TMEM131L: variants seen among roughly 807,000 people sequenced by gnomAD.
TMEM131L encodes the protein transmembrane protein 131-like.
Under a neutral mutation model 192.2 loss-of-function variants are expected in TMEM131L, and 54 were observed. The ratio of observed to expected loss-of-function variants is 0.28; its 90% confidence interval spans 0.23 to 0.35. The LOEUF (loss-of-function observed/expected upper bound fraction) is 0.35, where lower values mean the gene tolerates loss of function less well. Among genes scored for constraint, TMEM131L ranks in the 10% least tolerant of loss-of-function variants. TMEM131L has a pLI of 1.00. For synonymous variants in TMEM131L, 701 were observed against 704.9 expected (o/e 0.99, Z 0.09); for missense variants, 1,888 against 1,972.9 (o/e 0.96, Z 0.82).
chr4:153,598,620 C>T lies in TMEM131L; in HGVS notation c.2154C>T (p.Gly718=), dbSNP rs371805678. The T allele has an allele frequency of 5.2e-5, 84 of 1,613,398 alleles. 1 individual carries two copies. The highest frequency in any genetic ancestry group is 2.0e-4 in the East Asian group (9 of 44,876). The change falls in exon 21 of 35, where the codon GGC becomes GGT. Residue 718 remains glycine (G), a synonymous_variant. Coordinates refer to ENST00000409959, the MANE Select transcript of TMEM131L (RefSeq NM_001131007.2). ...ACTTGACTGTTATTGACATGATTGG[C>T]GTGGAAGGATTTGGAGCAAGAGAGT... ...RNNLTVIDMI[G]VEGFGARELL...
chr4:153,533,227 C>T (rs1056362838), intron 3 of TMEM131L, among the ~76,000 whole-genome samples: 1 of 152,140 alleles, frequency 6.6e-6, no homozygotes, highest in Non-Finnish European at 1.5e-5. Context: ...TCACTTTATC[C>T]ACCCGCCTTG....
At chr4:153,581,664 C>G (rs998562022) in intron 9 of TMEM131L, 104 bp downstream of exon 9, 6 of 710,294 alleles carry the variant, frequency 8.4e-6, no homozygotes, top group Admixed American at 7.9e-5. Flanking sequence ...AGACAAATAG[C>G]CTTTGCTTTA....
intron 3 of TMEM131L, among the ~76,000 whole-genome samples, chr4:153,499,256 C>T (rs533467868): frequency 1.2e-4 from 19 of 152,204 alleles, no homozygotes; most frequent in East Asian, 3.9e-4. Flanking sequence ...AGCCTCCAGT[C>T]GCTGTAGCTC....
At chr4:153,625,548 G>A (rs989251602) in intron 29 of TMEM131L, among the ~76,000 whole-genome samples, 1 of 152,054 alleles carries the variant, frequency 6.6e-6, no homozygotes, top group Admixed American at 6.6e-5. Flanking sequence ...TTATATAATA[G>A]TAGGGAAATG....
intron 23 of TMEM131L, 92 bp from the exon 24 acceptor site, chr4:153,603,211 G>T: frequency 9.1e-7 from 1 of 1,101,144 alleles, no homozygotes; most frequent in Non-Finnish European, 1.3e-6. Flanking sequence ...GATGTTTTTC[G>T]TAAATCATTC....
chr4:153,557,257 C>T (rs931999230), intron 6 of TMEM131L, among the ~76,000 whole-genome samples, 175 bp downstream of exon 6: 2 of 152,130 alleles, frequency 1.3e-5, no homozygotes. Context: ...CCTGACATGC[C>T]ACAGTTGGCT....
At chr4:153,592,674 C>A in intron 18 of TMEM131L, 90 bp downstream of exon 18, 2 of 898,514 alleles carry the variant, frequency 2.2e-6, no homozygotes, top group South Asian at 1.4e-5. Flanking sequence ...CAACCAGGAC[C>A]TGTGTGTGGA....
intron 3 of TMEM131L, among the ~76,000 whole-genome samples, chr4:153,477,352 G>C (rs890102470): frequency 6.6e-6 from 1 of 152,192 alleles, no homozygotes; most frequent in Non-Finnish European, 1.5e-5. Flanking sequence ...TGCAGACCCA[G>C]GTGTGGGTGT....
intron 7 of TMEM131L, among the ~76,000 whole-genome samples, chr4:153,568,836 G>A (rs1349168402): frequency 1.3e-5 from 2 of 152,146 alleles, no homozygotes; most frequent in Non-Finnish European, 2.9e-5. Flanking sequence ...TAAGAATCTG[G>A]AGTTAGAGAA....
At chr4:153,551,948 C>T (rs915875115) in intron 4 of TMEM131L, among the ~76,000 whole-genome samples, 2 of 152,022 alleles carry the variant, frequency 1.3e-5, no homozygotes, top group Non-Finnish European at 2.9e-5. Flanking sequence ...GTGGCTCACA[C>T]CTGTAATCCC....
At chr4:153,476,690 C>A (rs1233971245) in intron 3 of TMEM131L, among the ~76,000 whole-genome samples, 3 of 150,756 alleles carry the variant, frequency 2.0e-5, no homozygotes, top group African/African-American at 7.3e-5. Context: ...GATTCCATCT[C>A]AAAAAAAACA....
chr4:153,504,010 A>G (rs558177225), intron 3 of TMEM131L, among the ~76,000 whole-genome samples: 2 of 152,202 alleles, frequency 1.3e-5, no homozygotes, highest in South Asian at 2.1e-4. Flanking sequence ...TCTGTCGCCC[A>G]GGCTGGAGTG....
intron 17 of TMEM131L, 146 bp from the exon 18 acceptor site, chr4:153,592,329 C>T (rs755754214): frequency 1.1e-4 from 65 of 587,762 alleles, no homozygotes; most frequent in Non-Finnish European, 1.5e-4. Context: ...ATTTTTGAAG[C>T]GTGCTGGCCA....
At chr4:153,543,747 T>G (rs1257695156) in intron 3 of TMEM131L, among the ~76,000 whole-genome samples, 2 of 152,222 alleles carry the variant, frequency 1.3e-5, no homozygotes, top group Admixed American at 1.3e-4. Context: ...GTTGACTAAG[T>G]ATCCCATCAG....
intron 30 of TMEM131L, among the ~76,000 whole-genome samples, chr4:153,627,141 T>C (rs1378581987): frequency 6.6e-6 from 1 of 152,124 alleles, no homozygotes; most frequent in Non-Finnish European, 1.5e-5. Context: ...CATGGGTTTA[T>C]TGGGGGTAGG....
At chr4:153,592,112 A>G (rs1446296423) in intron 17 of TMEM131L, among the ~76,000 whole-genome samples, 1 of 152,132 alleles carries the variant, frequency 6.6e-6, no homozygotes, top group Admixed American at 6.5e-5. Flanking sequence ...TATTTAATCT[A>G]CAGTAAATAT....
chr4:153,586,442 C>A, intron 14 of TMEM131L, 63 bp downstream of exon 14: 1 of 1,251,186 alleles, frequency 8.0e-7, no homozygotes, highest in Non-Finnish European at 1.1e-6. Context: ...TTTTATTAAC[C>A]TTTAGTGCTT....
chr4:153,492,252 A>C (rs2149896609), intron 3 of TMEM131L, among the ~76,000 whole-genome samples: 1 of 152,146 alleles, frequency 6.6e-6, no homozygotes, highest in Admixed American at 6.5e-5. Flanking sequence ...TGCGCTCAAC[A>C]GTTCTCCCAT....
chr4:153,546,057 G>A (rs1580183090), intron 3 of TMEM131L, among the ~76,000 whole-genome samples: 1 of 151,902 alleles, frequency 6.6e-6, no homozygotes, highest in South Asian at 2.1e-4. Context: ...TAATATATAT[G>A]TTATATATAT....
Sources: allele counts gnomAD v4.1 joint callset (sites outside exome capture counted in the v4.1 genomes callset), GRCh38; gene constraint gnomAD v4.1.1; transcripts MANE v1.5; gene names NCBI Gene and HGNC (gene_info 2026-07-23, HGNC 2026-07-21).